TSPAN14: variants seen among roughly 807,000 people sequenced by gnomAD.
TSPAN14 encodes tetraspanin 14, also known as tetraspanin-14.
A neutral mutation model predicts 36.6 loss-of-function variants in TSPAN14; 16 were observed. That is an observed-to-expected ratio of 0.44 (90% confidence interval 0.30 to 0.66). The LOEUF (loss-of-function observed/expected upper bound fraction) is 0.66. Among genes scored for constraint, TSPAN14 ranks in the 30% least tolerant of loss-of-function variants. The pLI is 0.12. For synonymous variants in TSPAN14, 139 were observed against 143.8 expected, an observed-to-expected ratio of 0.97 and a Z score of 0.24; for missense variants, 231 against 355.1, an observed-to-expected ratio of 0.65 and a Z score of 2.81.
intron 1 of TSPAN14, among the ~76,000 whole-genome samples, chr10:80,488,929 A>T (rs1847772331): frequency 6.6e-6 from 1 of 152,234 alleles, no homozygotes; most frequent in Non-Finnish European, 1.5e-5. Flanking sequence ...GATGAGATCA[A>T]TATTTGGGAA....
chr10:80,500,314 CTTTTTTTTTTTTTTTT>C (rs144759161), intron 2 of TSPAN14, among the ~76,000 whole-genome samples: 9 of 47,860 alleles, frequency 1.9e-4, no homozygotes, highest in African/African-American at 2.6e-4. Flanking sequence ...AGGCCTTATT[CTTTTTTTTTTTTTTTT>C]TTTTTTTTTT....
intron 1 of TSPAN14, among the ~76,000 whole-genome samples, chr10:80,482,480 G>A (rs1847334441): frequency 6.6e-6 from 1 of 150,432 alleles, no homozygotes; most frequent in Admixed American, 6.6e-5. Flanking sequence ...TAGAGACGGG[G>A]TTTCGCCATG....
chr10:80,515,461 A>C (rs1328882237), intron 7 of TSPAN14: 1 of 152,238 alleles, frequency 6.6e-6, no homozygotes, highest in Non-Finnish European at 1.5e-5. Flanking sequence ...GCCTCATTTT[A>C]GCATAATTAC....
Position 80,516,331 on chromosome 10 carries a change from C to T in TSPAN14, c.741+8C>T, listed in dbSNP as rs375302234. 1.2e-6 allele frequency: 2 copies of T among 1,614,086 alleles called. No individual in the cohort carries two copies. Among genetic ancestry groups the T allele is most frequent in the African/African-American group, 2.7e-5 (2 of 74,922 alleles). On this transcript the variant is annotated splice_region_variant and intron_variant, in intron 8 of 8. Transcript: ENST00000429989. ...GCCATCTCGCTGTTGCAGGTGTGTCCCAGGAGCCTATAGGATTGGCAGGTG... is the reference window on the plus strand; with the variant it reads ...GCCATCTCGCTGTTGCAGGTGTGTCTCAGGAGCCTATAGGATTGGCAGGTG...
intron 1 of TSPAN14, among the ~76,000 whole-genome samples, chr10:80,481,667 G>A (rs561443208): frequency 1.1e-4 from 17 of 152,174 alleles, no homozygotes; most frequent in Non-Finnish European, 2.4e-4. Flanking sequence ...AAAAGCTGGG[G>A]AATTGTAATA....
At chr10:80,474,936 A>C (rs1259937387) in intron 1 of TSPAN14, among the ~76,000 whole-genome samples, 1 of 152,160 alleles carries the variant, frequency 6.6e-6, no homozygotes, top group African/African-American at 2.4e-5. Context: ...ATCTTAGTGA[A>C]ATGCAGATTG....
rs34628710 is a variant in TSPAN14, at chr10:80,473,701, TAA to T, written c.-17-15514_-17-15513del. ...CCATGATGGGTTTTTTTTTTTTTTT[TAA>T]ATTAAAGTTTTTTTTTTTCTTTTTT... On this transcript the variant is annotated intron_variant, in intron 1 of 8. Coordinates refer to ENST00000429989, the Ensembl canonical transcript of TSPAN14. Among the ~76,000 whole-genome samples, 470 of 142,660 alleles carry T rather than the reference TAA, an allele frequency of 3.3e-3. 8 individuals carry two copies. In the East Asian group the frequency reaches 0.045, roughly 14 times the overall value. 93.6% of individuals were successfully genotyped at this position (142,660 alleles called of 152,430 possible).
chr10:80,462,446 C>T (rs1382832055), intron 1 of TSPAN14, among the ~76,000 whole-genome samples: 1 of 152,004 alleles, frequency 6.6e-6, no homozygotes, highest in Non-Finnish European at 1.5e-5. Context: ...ATACACATCT[C>T]TCACTCAAAT....
At chr10:80,478,877 A>T (rs1847074814) in intron 1 of TSPAN14, among the ~76,000 whole-genome samples, 1 of 152,210 alleles carries the variant, frequency 6.6e-6, no homozygotes. Flanking sequence ...TAAAAATTCC[A>T]CAATGGTTGA....
intron 1 of TSPAN14, among the ~76,000 whole-genome samples, chr10:80,478,908 A>G (rs1470774673): frequency 6.6e-6 from 1 of 152,144 alleles, no homozygotes; most frequent in Non-Finnish European, 1.5e-5. Context: ...AGTCCCACCA[A>G]CAGTGTAAAA....
Position 80,514,147 on chromosome 10 carries a change from A to C in TSPAN14, c.621+84A>C, listed in dbSNP as rs1554868541. 20 of 1,336,238 alleles carry C rather than the reference A, an allele frequency of 1.5e-5. No homozygotes were observed. The South Asian group carries it at 2.5e-4, about 16-fold the overall frequency. The allele number at this position is 1,336,238 out of a possible 1,614,324, so 82.8% of individuals were successfully genotyped here. On this transcript the variant is annotated intron_variant, in intron 7 of 8. Coordinates refer to ENST00000429989, the Ensembl canonical transcript of TSPAN14. ...AACATTCTGATTTAGCACGAGTGCAAATTGAAGTGGGAAAACTCAGGGCAG... is the reference window on the plus strand; with the variant it reads ...AACATTCTGATTTAGCACGAGTGCACATTGAAGTGGGAAAACTCAGGGCAG...
intron 1 of TSPAN14, among the ~76,000 whole-genome samples, chr10:80,461,369 G>A (rs1487406097): frequency 6.6e-6 from 1 of 152,244 alleles, no homozygotes; most frequent in East Asian, 1.9e-4. Flanking sequence ...CAGTGGAACA[G>A]TGGTGGTGCC....
intron 2 of TSPAN14, among the ~76,000 whole-genome samples, chr10:80,492,168 C>T (rs1304391987): frequency 6.6e-6 from 1 of 152,082 alleles, no homozygotes; most frequent in Non-Finnish European, 1.5e-5. Flanking sequence ...ATGCCCAAGC[C>T]CTTACCTCTT....
At chr10:80,457,730 G>A (rs973547251) in intron 1 of TSPAN14, among the ~76,000 whole-genome samples, 1 of 152,370 alleles carries the variant, frequency 6.6e-6, no homozygotes, top group South Asian at 2.1e-4. Flanking sequence ...GGAATGGGAA[G>A]ACCAGCACTA....
chr10:80,492,878 A>G (rs1341650013), intron 2 of TSPAN14, among the ~76,000 whole-genome samples: 2 of 152,104 alleles, frequency 1.3e-5, no homozygotes, highest in Non-Finnish European at 2.9e-5. Flanking sequence ...TTTGGTACCT[A>G]ATAGATTTTT....
chr10:80,507,381 G>A lies in TSPAN14; in HGVS notation c.279+7G>A. ...TATCTGCTTGCTCAACTTTGTGAGTGGCCACAGAGACAAGAGTGGGATAGG... is the reference window on the plus strand; with the variant it reads ...TATCTGCTTGCTCAACTTTGTGAGTAGCCACAGAGACAAGAGTGGGATAGG... On this transcript the variant is annotated splice_region_variant and intron_variant, in intron 4 of 8. Transcript: ENST00000429989. The A allele has an allele frequency of 6.2e-7, 1 of 1,614,184 alleles. No individual in the cohort carries two copies. The highest frequency in any genetic ancestry group is 8.5e-7 in the Non-Finnish European group (1 of 1,180,014).
intron 4 of TSPAN14, among the ~76,000 whole-genome samples, chr10:80,508,139 C>T (rs1367027209): frequency 1.4e-5 from 2 of 143,410 alleles, no homozygotes; most frequent in Admixed American, 6.8e-5. Flanking sequence ...TTTTTGATAC[C>T]GAGTCTCGCT....
chr10:80,498,252 A>G (rs1179517033), intron 2 of TSPAN14, among the ~76,000 whole-genome samples: 1 of 152,098 alleles, frequency 6.6e-6, no homozygotes, highest in African/African-American at 2.4e-5. Context: ...GAGTACCAGG[A>G]CCCTGGGGTT....
At chr10:80,494,133 A>T (rs772946173) in intron 2 of TSPAN14, among the ~76,000 whole-genome samples, 3 of 152,208 alleles carry the variant, frequency 2.0e-5, no homozygotes, top group Non-Finnish European at 4.4e-5. Flanking sequence ...CTTTAGTTTA[A>T]AAAAATTTTT....
Sources: allele counts gnomAD v4.1 joint callset (sites outside exome capture counted in the v4.1 genomes callset), GRCh38; gene constraint gnomAD v4.1.1; transcripts MANE v1.5; gene names NCBI Gene and HGNC (gene_info 2026-07-23, HGNC 2026-07-21).